KIAA1217: variants seen among roughly 807,000 people sequenced by gnomAD.
KIAA1217 encodes the protein KIAA1217, also known as sickle tail protein homolog.
In KIAA1217, 88 loss-of-function variants were observed where a neutral mutation model predicts 163.9. That is an observed-to-expected ratio of 0.54 (90% CI 0.45 to 0.64). The LOEUF (loss-of-function observed/expected upper bound fraction) is 0.64. Among genes scored for constraint, KIAA1217 ranks in the 30% least tolerant of loss-of-function variants. The probability of loss-of-function intolerance (pLI) is 0.00; values close to 1 mark genes in which losing one functional copy is unlikely to be tolerated. For synonymous variants in KIAA1217, 903 were observed against 923.1 expected, an observed-to-expected ratio of 0.98 and a Z score of 0.39; for missense variants, 2,372 against 2,475.0, an observed-to-expected ratio of 0.96 and a Z score of 0.88.
intron 1 of KIAA1217, among the ~76,000 whole-genome samples, chr10:23,796,858 AC>A (rs1451087574): frequency 6.6e-6 from 1 of 151,958 alleles, no homozygotes; most frequent in Non-Finnish European, 1.5e-5. Context: ...ATACATACAT[AC>A]ATAAATATTT....
intron 1 of KIAA1217, among the ~76,000 whole-genome samples, chr10:23,715,713 T>C (rs1023337576): frequency 1.3e-5 from 2 of 152,164 alleles, no homozygotes; most frequent in Admixed American, 1.3e-4. Flanking sequence ...CTACAAATAT[T>C]ATATTTTTAA....
intron 2 of KIAA1217, among the ~76,000 whole-genome samples, chr10:24,079,725 T>C (rs1299910065): frequency 6.6e-6 from 1 of 152,174 alleles, no homozygotes; most frequent in Non-Finnish European, 1.5e-5. Flanking sequence ...TTGTGATAAC[T>C]TTTGGGATGA....
chr10:23,931,883 G>A (rs1843266194), intron 1 of KIAA1217, among the ~76,000 whole-genome samples: 3 of 152,184 alleles, frequency 2.0e-5, no homozygotes, highest in Non-Finnish European at 4.4e-5. Flanking sequence ...AAAGGATAAT[G>A]CAGTCCTCCA....
intron 2 of KIAA1217, among the ~76,000 whole-genome samples, chr10:24,247,128 T>TC (rs758525222): frequency 2.1e-4 from 32 of 151,028 alleles, no homozygotes; most frequent in Non-Finnish European, 4.4e-4. Flanking sequence ...TCTTTTCTTT[T>TC]TTTTTTTTTT....
intron 2 of KIAA1217, among the ~76,000 whole-genome samples, chr10:24,164,177 G>A (rs1340107127): frequency 6.6e-6 from 1 of 152,188 alleles, no homozygotes; most frequent in Non-Finnish European, 1.5e-5. Flanking sequence ...GAACTTCTAA[G>A]ATGAGAATAG....
intron 6 of KIAA1217, among the ~76,000 whole-genome samples, chr10:24,492,034 A>T (rs1016872549): frequency 6.6e-6 from 1 of 152,036 alleles, no homozygotes; most frequent in Non-Finnish European, 1.5e-5. Flanking sequence ...CTCTGCTCTT[A>T]CTGTCATTCA....
chr10:24,264,793 C>CTCTCTCAT (rs1590351182), intron 2 of KIAA1217, among the ~76,000 whole-genome samples: 1 of 149,466 alleles, frequency 6.7e-6, no homozygotes, highest in African/African-American at 2.5e-5. Context: ...CTCTCTCTCT[C>CTCTCTCAT]TCTCTCTCTC....
intron 11 of KIAA1217, 82 bp from the exon 12 acceptor site, chr10:24,521,700 T>C: frequency 6.6e-7 from 1 of 1,506,888 alleles, no homozygotes; most frequent in Middle Eastern, 1.7e-4. Context: ...TCTGCACTTC[T>C]CTGTCCAGTA....
intron 1 of KIAA1217, among the ~76,000 whole-genome samples, chr10:23,918,451 G>A (rs1026689015): frequency 6.6e-6 from 1 of 152,030 alleles, no homozygotes; most frequent in Admixed American, 6.6e-5. Context: ...CTGCCCTTTC[G>A]GGAAGCTGTG....
intron 2 of KIAA1217, among the ~76,000 whole-genome samples, chr10:24,168,600 T>A (rs1451628700): frequency 6.6e-6 from 1 of 152,192 alleles, no homozygotes; most frequent in Non-Finnish European, 1.5e-5. Context: ...AATTGGGTCC[T>A]TTTCTGTATG....
intron 1 of KIAA1217, among the ~76,000 whole-genome samples, chr10:23,946,652 G>A (rs1459095346): frequency 6.6e-6 from 1 of 151,894 alleles, no homozygotes; most frequent in Non-Finnish European, 1.5e-5. Flanking sequence ...TTATTGTTAT[G>A]CTTACCTGCA....
intron 1 of KIAA1217, among the ~76,000 whole-genome samples, chr10:23,851,162 C>T (rs929102427): frequency 1.3e-5 from 2 of 152,122 alleles, no homozygotes; most frequent in African/African-American, 4.8e-5. Flanking sequence ...ATCCCTCCCC[C>T]TTCCTCCCAC....
At chr10:24,124,505 A>C (rs2063397099) in intron 2 of KIAA1217, among the ~76,000 whole-genome samples, 1 of 152,150 alleles carries the variant, frequency 6.6e-6, no homozygotes, top group South Asian at 2.1e-4. Flanking sequence ...GATAACAGGC[A>C]TCCTGTCTTG....
intron 1 of KIAA1217, among the ~76,000 whole-genome samples, chr10:23,843,693 TGACTATGTTCTTCTGTATA>T (rs1838892495): frequency 1.3e-5 from 2 of 152,180 alleles, no homozygotes; most frequent in Admixed American, 1.3e-4. Flanking sequence ...AGATCTTTGT[TGACTATGTTCTTCTGTATA>T]GGCAGGGTGA....
At position 23,814,029 on chromosome 10, in the gene KIAA1217, A is replaced by G. The variant is rs371235128; in HGVS notation, c.-321+118795A>G. Among the ~76,000 whole-genome samples the G allele has an allele frequency of 7.2e-5, 11 of 152,282 alleles. No homozygotes were observed. The South Asian group carries it at 1.0e-3, about 14-fold the overall frequency. ...ACAAAGCTTTCACAGTAGTATATCC[A>G]TGACTTTTTGGTGACTTCAAAATTC... On this transcript the variant is annotated intron_variant, in intron 1 of 18. Coordinates refer to the KIAA1217 transcript ENST00000376462.
At chr10:23,855,890 G>T (rs1028798500) in intron 1 of KIAA1217, among the ~76,000 whole-genome samples, 2 of 152,052 alleles carry the variant, frequency 1.3e-5, no homozygotes, top group Non-Finnish European at 2.9e-5. Flanking sequence ...TCTCTGATTG[G>T]TTATTCTAGT....
chr10:23,764,109 A>G (rs530967963), intron 1 of KIAA1217, among the ~76,000 whole-genome samples: 1 of 152,262 alleles, frequency 6.6e-6, no homozygotes, highest in South Asian at 2.1e-4. Context: ...ACATATTTAC[A>G]AGAAAAAAAA....
chr10:24,107,276 G>C (rs900672268), intron 2 of KIAA1217, among the ~76,000 whole-genome samples: 1 of 152,060 alleles, frequency 6.6e-6, no homozygotes, highest in Non-Finnish European at 1.5e-5. Context: ...TCTTTATCCA[G>C]TTCACTATTG....
In KIAA1217 at chr10:24,010,091, TC is replaced by T. The variant is rs1279194938; in HGVS notation, c.-171+2718del. On this transcript the variant is annotated intron_variant, in intron 2 of 18. Transcript: ENST00000376462. ...CAGTGATAGCTAAAGAAACATTTTCTCAAATGTATTATTTTAACAGGAATCA... is the reference window on the plus strand; with the variant it reads ...CAGTGATAGCTAAAGAAACATTTTCTAAATGTATTATTTTAACAGGAATCA... Among the ~76,000 whole-genome samples, 3 of 152,182 alleles carry T rather than the reference TC, an allele frequency of 2.0e-5. No homozygotes were observed. The East Asian group carries it at 5.8e-4, about 29-fold the overall frequency.
Sources: allele counts gnomAD v4.1 joint callset (sites outside exome capture counted in the v4.1 genomes callset), GRCh38; gene constraint gnomAD v4.1.1; transcripts MANE v1.5; gene names NCBI Gene and HGNC (gene_info 2026-07-23, HGNC 2026-07-21).